Variants in GREB1 observed in about 807,000 individuals in gnomAD.
GREB1 encodes growth regulating estrogen receptor binding 1.
GREB1 carries 106 observed loss-of-function variants against 200.7 expected under a neutral mutation model. That is an observed-to-expected ratio of 0.53 (90% CI 0.45 to 0.62). The LOEUF (loss-of-function observed/expected upper bound fraction) is 0.62. Among genes scored for constraint, GREB1 ranks in the 20% least tolerant of loss-of-function variants. The probability of loss-of-function intolerance (pLI) is 0.00; values close to 1 mark genes in which losing one functional copy is unlikely to be tolerated. For synonymous variants in GREB1, 1,132 were observed against 1,092.4 expected (o/e 1.04, Z -0.72); for missense variants, 2,243 against 2,556.8 (o/e 0.88, Z 2.65).
At chr2:11,553,766 C>T (rs1409352420) in intron 1 of GREB1, among the ~76,000 whole-genome samples, 1 of 152,174 alleles carries the variant, frequency 6.6e-6, no homozygotes, top group African/African-American at 2.4e-5. Context: ...GCCCCGTCTA[C>T]ATCAGGCCTA....
rs772755435 is a variant in GREB1, at chr2:11,597,830, G to A, written c.2004G>A (p.Ala668=). The A allele has an allele frequency of 1.4e-5, 23 of 1,614,064 alleles. No individual in the cohort carries two copies. The Admixed American group carries it at 1.7e-4, about 12-fold the overall frequency. The part of the protein sequence containing the change: ...HSIRPFQLAV[A]QKLLSHVCSI... The stretch of plus-strand genomic sequence containing the variant: ...TCCGGCCCTTCCAGCTGGCAGTAGC[G>A]CAGAAGCTCCTCTCCCATGTGTGTT... The change falls in exon 14 of 33, where the codon GCG becomes GCA. Residue 668 remains alanine, a synonymous_variant. Transcript: ENST00000381486. The surrounding 1 kb of genome is among the most constrained non-coding windows in gnomAD (Gnocchi z 4.1).
chr2:11,523,486 T>C (rs1673771703), intron 1 of GREB1, among the ~76,000 whole-genome samples: 1 of 152,252 alleles, frequency 6.6e-6, no homozygotes, highest in Non-Finnish European at 1.5e-5. Flanking sequence ...CCATGGTAGA[T>C]GGTCCATAAA....
At chr2:11,507,049 CCTT>C (rs1372568361) in intron 1 of GREB1, among the ~76,000 whole-genome samples, 1 of 152,098 alleles carries the variant, frequency 6.6e-6, no homozygotes, top group African/African-American at 2.4e-5. Flanking sequence ...CAGAAATAAT[CCTT>C]CTCTATATAC....
Position 11,587,305 on chromosome 2 carries a change from C to A in GREB1, c.1159+1400C>A, listed in dbSNP as rs1254240195. The A allele has an allele frequency of 2.8e-5, 30 of 1,085,974 alleles. No individual in the cohort carries two copies. In the East Asian group the frequency reaches 4.3e-4, roughly 15 times the overall value. 67.3% of individuals were successfully genotyped at this position (1,085,974 alleles called of 1,614,324 possible). A position where few individuals can be genotyped will look rare whatever the true frequency, so the allele number is the denominator to read the frequency against. On this transcript the variant is annotated intron_variant, in intron 9 of 32. Coordinates refer to ENST00000381486, the MANE Select transcript of GREB1 (RefSeq NM_014668.4). ...CTTTCCTCTGCCCCCCTTGTCACTT[C>A]TCTGTCCCTCTTTTATGACAAATGT...
rs377181735 is a variant in GREB1, at chr2:11,587,694, A to AACAC, written c.1160-1007_1160-1004dup. The stretch of plus-strand genomic sequence containing the variant: ...AAATGGAGTACCTGGAGTACAAGAT[A>AACAC]ACACACACACACACACACACACACA... On this transcript the variant is annotated intron_variant, in intron 9 of 32. Transcript: ENST00000381486. The AACAC allele has an allele frequency of 1.6e-3, 1,131 of 706,654 alleles. 7 individuals are homozygous for AACAC. The highest frequency in any genetic ancestry group is 7.3e-3 in the East Asian group (86 of 11,702). 43.8% of individuals were successfully genotyped at this position (706,654 alleles called of 1,614,324 possible). A position where few individuals can be genotyped will look rare whatever the true frequency, so the allele number is the denominator to read the frequency against.
chr2:11,556,788 G>T lies in GREB1; in HGVS notation c.157+17G>T, dbSNP rs1284391188. 6 of 1,607,474 alleles carry T rather than the reference G, an allele frequency of 3.7e-6. No homozygotes were observed. The highest frequency in any genetic ancestry group is 5.1e-6 in the Non-Finnish European group (6 of 1,175,830). ...CTCTAGAAGGTGGGAGACGCACGTT[G>T]CTTTTATCTGTGTATTTCTTTTATT... On this transcript the variant is annotated intron_variant, in intron 2 of 32. Coordinates refer to ENST00000381486, the MANE Select transcript of GREB1 (RefSeq NM_014668.4).
chr2:11,552,973 G>A (rs1676064389), intron 1 of GREB1, among the ~76,000 whole-genome samples: 1 of 139,694 alleles, frequency 7.2e-6, no homozygotes, highest in Admixed American at 7.2e-5. Flanking sequence ...TCGCGCCACT[G>A]CACTCCAGCC....
In GREB1 at chr2:11,611,030, A is replaced by G; in HGVS notation, c.3006+3A>G. On this transcript the variant is annotated splice_donor_region_variant and intron_variant, in intron 18 of 32. Transcript: ENST00000381486. ...AGCACTTCGTAAAGCAGCTCAGGGT[A>G]GGTGCTGTGCGCAGGGAGGGGCGGA... The G allele has an allele frequency of 2.5e-6, 4 of 1,572,858 alleles. No homozygotes were observed. The highest frequency in any genetic ancestry group is 3.5e-6 in the Non-Finnish European group (4 of 1,158,848).
intron 5 of GREB1, 113 bp downstream of exon 5, chr2:11,576,648 G>A (rs1678886117): frequency 1.3e-6 from 1 of 748,120 alleles, no homozygotes; most frequent in Non-Finnish European, 2.2e-6. Flanking sequence ...CACATCACGG[G>A]CAAAAGGCCA....
chr2:11,516,918 G>A (rs931285068), intron 1 of GREB1, among the ~76,000 whole-genome samples: 1 of 152,188 alleles, frequency 6.6e-6, no homozygotes, highest in Non-Finnish European at 1.5e-5. Context: ...GTGGGGTGGC[G>A]AGGGCTGTGA....
chr2:11,537,117 C>A (rs1016992294), intron 1 of GREB1, among the ~76,000 whole-genome samples: 2 of 152,128 alleles, frequency 1.3e-5, no homozygotes, highest in Non-Finnish European at 2.9e-5. Flanking sequence ...CACCCGCCAC[C>A]GCGCCTGGCT....
At chr2:11,520,498 C>A (rs2148470597) in intron 1 of GREB1, among the ~76,000 whole-genome samples, 1 of 152,276 alleles carries the variant, frequency 6.6e-6, no homozygotes, top group South Asian at 2.1e-4. Context: ...GCTGGCCATT[C>A]CTAGCTTCTA....
intron 24 of GREB1, among the ~76,000 whole-genome samples, chr2:11,626,076 C>T (rs1684428980): frequency 6.6e-6 from 1 of 152,092 alleles, no homozygotes; most frequent in South Asian, 2.1e-4. Flanking sequence ...CCCATCAGGT[C>T]CCTCCCACAA....
At chr2:11,539,665 T>C (rs751557611) in intron 1 of GREB1, among the ~76,000 whole-genome samples, 1 of 152,200 alleles carries the variant, frequency 6.6e-6, no homozygotes, top group Non-Finnish European at 1.5e-5. Flanking sequence ...GATTGGTATG[T>C]ACCTGTGTGG....
At chr2:11,567,013 G>A (rs762471989) in intron 4 of GREB1, among the ~76,000 whole-genome samples, 7 of 152,194 alleles carry the variant, frequency 4.6e-5, no homozygotes, top group Non-Finnish European at 7.3e-5. Context: ...GGCCGAGTGT[G>A]TTGCTGCTTC....
In GREB1 at chr2:11,642,730, C is replaced by A. The variant is rs1393990373; in HGVS notation, c.*2276C>A. 1 of 152,068 alleles carries A rather than the reference C, an allele frequency of 6.6e-6. No individual in the cohort carries two copies. 9.4% of individuals were successfully genotyped at this position (152,068 alleles called of 1,614,324 possible). ...ATTAGTTAATTTAAATTGGAAAAAACCCTCAAACTAATATTCTTGTCTGTT... is the reference window on the plus strand; with the variant it reads ...ATTAGTTAATTTAAATTGGAAAAAAACCTCAAACTAATATTCTTGTCTGTT... On this transcript the variant is annotated 3_prime_UTR_variant, in exon 33 of 33. Coordinates refer to ENST00000381486, the MANE Select transcript of GREB1 (RefSeq NM_014668.4).
At position 11,578,301 on chromosome 2, in the gene GREB1, T is replaced by C. The variant is rs778363764; in HGVS notation, c.642T>C (p.Phe214=). ...GTGTGCACCTTGCCCCCTTAGAGTT[T>C]AGAAGCCGGCAGATCCCCGCCAGTA... ...GPLICWKGSE[F]RSRQIPASTC... The change falls in exon 6 of 33, where the codon TTT becomes TTC. Residue 214 remains phenylalanine (F), a synonymous_variant. Coordinates refer to ENST00000381486, the MANE Select transcript of GREB1 (RefSeq NM_014668.4). 6.2e-7 allele frequency: 1 copy of C among 1,612,730 alleles called. No homozygotes were observed. Among genetic ancestry groups the C allele is most frequent in the Non-Finnish European group, 8.5e-7 (1 of 1,178,886 alleles).
intron 4 of GREB1, among the ~76,000 whole-genome samples, chr2:11,576,037 G>A (rs764958482): frequency 3.0e-4 from 45 of 152,324 alleles, no homozygotes; most frequent in African/African-American, 9.1e-4. Context: ...GCCTTGTGGC[G>A]TTCTCTGGCT....
Position 11,602,502 on chromosome 2 carries a change from G to T in GREB1, c.2626G>T (p.Asp876Tyr), listed in dbSNP as rs376668046. The stretch of plus-strand genomic sequence containing the variant: ...ACACAGCCTCCCCTTGCTCAGATAC[G>T]ATAGCTCCTTTGAGGCCATGGTCAC... The part of the protein sequence containing the change: ...SGHSLPLLRY[D>Y]SSFEAMVTAL... The change falls in exon 17 of 33, where the codon GAT becomes TAT. Residue 876 changes from aspartate (D) to tyrosine (Y), a missense_variant. Physicochemically the swap from Asp to Tyr is radical, Grantham distance 160 (BLOSUM62 -3). Coordinates refer to ENST00000381486, the MANE Select transcript of GREB1 (RefSeq NM_014668.4). 4 of 1,613,746 alleles carry T rather than the reference G, an allele frequency of 2.5e-6. No homozygotes were observed. The highest frequency in any genetic ancestry group is 3.4e-6 in the Non-Finnish European group (4 of 1,179,628).
Sources: gnomAD v4.1 joint callset for allele counts (sites outside exome capture counted in the v4.1 genomes callset) on GRCh38, gnomAD v4.1.1 for gene constraint, Gnocchi (gnomAD v3.1) non-coding constraint, MANE v1.5 for transcripts, NCBI Gene and HGNC (gene_info 2026-07-23, HGNC 2026-07-21) for gene names.